Variants in DCLRE1C observed in about 807,000 individuals in gnomAD.
The protein encoded by DCLRE1C is DNA cross-link repair 1C.
Under a neutral mutation model 61.4 loss-of-function variants are expected in DCLRE1C, and 47 were observed. That is an observed-to-expected ratio of 0.77 (90% CI 0.61 to 0.98). The LOEUF (loss-of-function observed/expected upper bound fraction) is 0.98. Among genes scored for constraint, DCLRE1C ranks in the 50% least tolerant of loss-of-function variants. The probability of loss-of-function intolerance (pLI) is 0.00; values close to 1 mark genes in which losing one functional copy is unlikely to be tolerated. For synonymous variants in DCLRE1C, 337 were observed against 287.6 expected (o/e 1.17, Z -1.74); for missense variants, 858 against 816.0 (o/e 1.05, Z -0.63).
At position 14,907,191 on chromosome 10, in the gene DCLRE1C, C is replaced by CCGCTT. The variant is rs1255699352; in HGVS notation, c.*1212_*1216dup. Among the ~76,000 whole-genome samples, 2 of 151,436 alleles carry CCGCTT rather than the reference C, an allele frequency of 1.3e-5. No homozygotes were observed. Among genetic ancestry groups the CCGCTT allele is most frequent in the Non-Finnish European group, 2.9e-5 (2 of 67,928 alleles). On this transcript the variant is annotated 3_prime_UTR_variant, in exon 14 of 14. Coordinates refer to ENST00000378278, the MANE Select transcript of DCLRE1C (RefSeq NM_001033855.3). Reference sequence around the variant, plus strand: ...GCATTTTCTTTTATATTCTAATTGTCCGCTTCTAATTTGGCCACCGTATTC... The same window carrying CCGCTT: ...GCATTTTCTTTTATATTCTAATTGTCCGCTTCGCTTCTAATTTGGCCACCGTATTC...
chr10:14,930,125 T>A (rs1046943761), intron 9 of DCLRE1C, among the ~76,000 whole-genome samples: 1 of 152,106 alleles, frequency 6.6e-6, no homozygotes, highest in Non-Finnish European at 1.5e-5. Context: ...TTTATTTATT[T>A]ACTTGAGACG....
chr10:14,947,163 C>T (rs896897093), intron 2 of DCLRE1C, among the ~76,000 whole-genome samples: 1 of 152,086 alleles, frequency 6.6e-6, no homozygotes, highest in East Asian at 1.9e-4. Flanking sequence ...AGTGAGCCAA[C>T]ATCACGCTAC....
intron 10 of DCLRE1C, among the ~76,000 whole-genome samples, chr10:14,927,617 G>C (rs1320005825): frequency 1.4e-5 from 2 of 147,470 alleles, no homozygotes; most frequent in African/African-American, 5.0e-5. Context: ...ATGGAGGAGA[G>C]GGAGGGAGGG....
downstream of DCLRE1C, among the ~76,000 whole-genome samples, chr10:14,899,886 T>C (rs12772589): frequency 0.032 from 4,838 of 152,302 alleles, 109 homozygotes; most frequent in Non-Finnish European, 0.047. Context: ...CTACCAAATA[T>C]TAATAGGGTG....
intron 13 of DCLRE1C, among the ~76,000 whole-genome samples, chr10:14,913,357 T>G (rs763807386): frequency 6.6e-6 from 1 of 152,256 alleles, no homozygotes; most frequent in Non-Finnish European, 1.5e-5. Context: ...AGTCGTGGAA[T>G]TGTTCACCTA....
rs1183824759 is a variant in DCLRE1C, at chr10:14,908,095, A to G, written c.*313T>C. On this transcript the variant is annotated 3_prime_UTR_variant, in exon 14 of 14. Transcript: ENST00000378278. ...AGGTGCAGTGGCACAGTCATGGCTC[A>G]CTGCAGCCTCAATCTCCTGGGCTCA... 1 of 299,624 alleles carries G rather than the reference A, an allele frequency of 3.3e-6. No homozygotes were observed. Among genetic ancestry groups the G allele is most frequent in the East Asian group, 9.3e-5 (1 of 10,762 alleles). 18.6% of individuals were successfully genotyped at this position (299,624 alleles called of 1,614,324 possible).
At chr10:14,943,698 ACC>A (rs1841235174) in intron 3 of DCLRE1C, among the ~76,000 whole-genome samples, 1 of 152,064 alleles carries the variant, frequency 6.6e-6, no homozygotes, top group African/African-American at 2.4e-5. Flanking sequence ...GACTACAGGC[ACC>A]GCCACCACAC....
chr10:14,934,798 T>C (rs775907306), intron 6 of DCLRE1C, 23 bp from the exon 7 acceptor site: 1 of 1,551,680 alleles, frequency 6.4e-7, no homozygotes, highest in South Asian at 1.1e-5. Flanking sequence ...AAAATTGATG[T>C]TAGCCATCCA....
chr10:14,902,539 T>C (rs760424984), downstream of DCLRE1C: 4 of 1,390,354 alleles, frequency 2.9e-6, no homozygotes, highest in East Asian at 7.2e-5. Flanking sequence ...GAGCTGATGA[T>C]TATAATATTT....
At chr10:14,922,678 TC>T (rs1394566394) in intron 12 of DCLRE1C, among the ~76,000 whole-genome samples, 2 of 152,062 alleles carry the variant, frequency 1.3e-5, no homozygotes, top group African/African-American at 4.8e-5. Context: ...GCATCAATAT[TC>T]CTATTTTGCT....
chr10:14,924,293 A>G (rs1251576799), intron 11 of DCLRE1C, among the ~76,000 whole-genome samples: 1 of 152,214 alleles, frequency 6.6e-6, no homozygotes, highest in Non-Finnish European at 1.5e-5. Flanking sequence ...GATTAATTCT[A>G]AACAAACAAT....
At chr10:14,909,619 A>C (rs937550164) in intron 13 of DCLRE1C, among the ~76,000 whole-genome samples, 3 of 152,132 alleles carry the variant, frequency 2.0e-5, no homozygotes, top group Non-Finnish European at 4.4e-5. Context: ...AAAAAAAAAA[A>C]AACAGGTTTC....
intron 13 of DCLRE1C, among the ~76,000 whole-genome samples, chr10:14,918,628 T>TAA (rs1564392842): frequency 6.8e-5 from 10 of 147,334 alleles, no homozygotes; most frequent in African/African-American, 2.3e-4. Context: ...AAGCTGTTTT[T>TAA]TAAAAAAAAA....
intron 2 of DCLRE1C, among the ~76,000 whole-genome samples, chr10:14,946,681 G>A (rs1287551493): frequency 6.6e-6 from 1 of 151,302 alleles, no homozygotes; most frequent in Non-Finnish European, 1.5e-5. Context: ...TTTTTTTTAG[G>A]GGGAGGGGAG....
chr10:14,930,688 C>T (rs564244033), intron 9 of DCLRE1C, among the ~76,000 whole-genome samples: 1 of 152,234 alleles, frequency 6.6e-6, no homozygotes, highest in African/African-American at 2.4e-5. Flanking sequence ...ACGCCTCGGC[C>T]TCTTAAAGCA....
At chr10:14,934,067 C>G (rs905356519) in intron 8 of DCLRE1C, among the ~76,000 whole-genome samples, 4 of 152,092 alleles carry the variant, frequency 2.6e-5, no homozygotes, top group Admixed American at 6.6e-5. Flanking sequence ...CTGGCTCAGG[C>G]CTATAATCCC....
intron 2 of DCLRE1C, among the ~76,000 whole-genome samples, chr10:14,947,302 A>C (rs995285946): frequency 2.6e-5 from 4 of 152,190 alleles, no homozygotes; most frequent in African/African-American, 9.7e-5. Flanking sequence ...CAGGTATCAG[A>C]CATGGATAAG....
At chr10:14,942,849 G>T (rs895606671) in intron 3 of DCLRE1C, among the ~76,000 whole-genome samples, 1 of 152,154 alleles carries the variant, frequency 6.6e-6, no homozygotes, top group Admixed American at 6.5e-5. Flanking sequence ...ACAGAAGCCC[G>T]GCATAGTGGC....
At chr10:14,935,685 T>G in intron 5 of DCLRE1C, 121 bp from the exon 6 acceptor site, 1 of 1,009,806 alleles carries the variant, frequency 9.9e-7, no homozygotes, top group Non-Finnish European at 1.5e-6. Context: ...ACAATGGTAA[T>G]GGAATTCCAC....
Sources: allele counts gnomAD v4.1 joint callset (sites outside exome capture counted in the v4.1 genomes callset), GRCh38; gene constraint gnomAD v4.1.1; transcripts MANE v1.5; gene names NCBI Gene and HGNC (gene_info 2026-07-23, HGNC 2026-07-21).